Variants in ZHX3 observed in about 807,000 individuals in gnomAD.
ZHX3 encodes the protein zinc fingers and homeoboxes protein 3.
Under a neutral mutation model 64.5 loss-of-function variants are expected in ZHX3, and 20 were observed. The ratio of observed to expected loss-of-function variants is 0.31; its 90% CI spans 0.22 to 0.45. The LOEUF is 0.45. Ranked by LOEUF, ZHX3 falls within the 20% of genes least tolerant of loss-of-function variation. The probability of loss-of-function intolerance (pLI) is 1.00; values close to 1 mark genes in which losing one functional copy is unlikely to be tolerated. For synonymous variants in ZHX3, 423 were observed against 461.6 expected (o/e 0.92, Z 1.07); for missense variants, 1,041 against 1,195.8 (o/e 0.87, Z 1.91).
intron 1 of ZHX3, among the ~76,000 whole-genome samples, chr20:41,304,986 C>T (rs184029039): frequency 6.6e-6 from 1 of 152,332 alleles, no homozygotes; most frequent in East Asian, 1.9e-4. Context: ...GCCAGAATTA[C>T]CGCATCACTA....
At chr20:41,276,020 T>C (rs1219689648) in intron 1 of ZHX3, among the ~76,000 whole-genome samples, 1 of 152,188 alleles carries the variant, frequency 6.6e-6, no homozygotes, top group Non-Finnish European at 1.5e-5. Context: ...CTTTGGTTGG[T>C]GGTGGCATAG....
chr20:41,183,084 C>T lies in ZHX3; in HGVS notation c.*2107G>A, dbSNP rs1355108096. On this transcript the variant is annotated 3_prime_UTR_variant, in exon 4 of 4. Coordinates refer to ENST00000683867, the MANE Select transcript of ZHX3 (RefSeq NM_001384317.1). This position sits in a 1 kb window ranked among gnomAD's most constrained non-coding sequence, Gnocchi z 5.3. ...ACTGGTGTCCCTCCAACACAGGCTA[C>T]TCCCCCAACACCCATGTGCCACCAA... 1 of 152,228 alleles carries T rather than the reference C, an allele frequency of 6.6e-6. No homozygotes were observed. Among genetic ancestry groups the T allele is most frequent in the East Asian group, 1.9e-4 (1 of 5,204 alleles). 9.4% of individuals were successfully genotyped at this position (152,228 alleles called of 1,614,324 possible).
rs76849872 is a variant in ZHX3, at chr20:41,244,559, C to T, written c.-151+24431G>A. 2.2e-3 allele frequency among the ~76,000 whole-genome samples: 338 copies of T among 152,228 alleles called. 1 individual carries two copies. Among genetic ancestry groups the T allele is most frequent in the African/African-American group, 7.7e-3 (320 of 41,530 alleles). On this transcript the variant is annotated intron_variant, in intron 2 of 3. Transcript: ENST00000683867. ...AGACAAATGGAGGCAAATAAGATCC[C>T]ATGATGAGGGCCCTTTGATGAATGT...
At chr20:41,316,700 C>T (rs546656376) in intron 1 of ZHX3, among the ~76,000 whole-genome samples, 1 of 152,338 alleles carries the variant, frequency 6.6e-6, no homozygotes, top group African/African-American at 2.4e-5. Context: ...CCAGGGCAAT[C>T]ACTGCTCAGA....
intron 1 of ZHX3, among the ~76,000 whole-genome samples, chr20:41,280,888 T>G (rs193070100): frequency 6.6e-6 from 1 of 152,192 alleles, no homozygotes; most frequent in East Asian, 1.9e-4. Context: ...AACCCTTTTT[T>G]TTTTTAAAGG....
intron 3 of ZHX3, among the ~76,000 whole-genome samples, chr20:41,194,015 T>C (rs2146160346): frequency 6.6e-6 from 1 of 152,298 alleles, no homozygotes; most frequent in South Asian, 2.1e-4. Flanking sequence ...TTTCTACATA[T>C]ATGATCATGT....
At chr20:41,249,128 G>C (rs182996770) in intron 2 of ZHX3, among the ~76,000 whole-genome samples, 1 of 152,156 alleles carries the variant, frequency 6.6e-6, no homozygotes, top group Admixed American at 6.5e-5. Context: ...GAAGAACTGA[G>C]ATGACCTCAA....
intron 2 of ZHX3, among the ~76,000 whole-genome samples, chr20:41,209,544 A>C (rs374828104): frequency 6.6e-6 from 1 of 152,218 alleles, no homozygotes; most frequent in East Asian, 1.9e-4. Context: ...AATACCACAC[A>C]TCTACAACCA....
At chr20:41,265,578 G>A (rs1000599761) in intron 2 of ZHX3, among the ~76,000 whole-genome samples, 2 of 152,218 alleles carry the variant, frequency 1.3e-5, no homozygotes, top group Non-Finnish European at 1.5e-5. Context: ...TCAAGCTTGA[G>A]TGCACATGAA....
At chr20:41,260,249 T>C (rs1162292607) in intron 2 of ZHX3, among the ~76,000 whole-genome samples, 2 of 151,326 alleles carry the variant, frequency 1.3e-5, no homozygotes, top group Non-Finnish European at 2.9e-5. Context: ...TTCTGGCCAA[T>C]GCAGCAAGAC....
At chr20:41,280,535 T>G (rs2043624841) in intron 1 of ZHX3, among the ~76,000 whole-genome samples, 1 of 152,142 alleles carries the variant, frequency 6.6e-6, no homozygotes, top group Non-Finnish European at 1.5e-5. Context: ...ACTAAAAAGT[T>G]ATTAGTGGGG....
chr20:41,249,799 AG>A (rs1256204339), intron 2 of ZHX3, among the ~76,000 whole-genome samples: 1 of 152,234 alleles, frequency 6.6e-6, no homozygotes, highest in Non-Finnish European at 1.5e-5. Context: ...CCAAAGGAGA[AG>A]TCTGAAAGAA....
In ZHX3 at chr20:41,204,426, A is replaced by G; in HGVS notation, c.491T>C (p.Leu164Pro). Residue 164 changes from leucine to proline, a missense_variant, in exon 3 of 4, where the codon CTA becomes CCA. Physicochemically the swap from Leu to Pro is moderately conservative, Grantham distance 98. This residue lies in a region of ZHX3 where 358 missense variants were observed against 369.1 expected (regional missense o/e 0.97). Transcript: ENST00000683867. The surrounding 1 kb of genome is among the most constrained non-coding windows in gnomAD (Gnocchi z 6.6). ...CCCTTCAGCACTGGGCTCACCCGCTAGGTCAGGAGTGCTGGTGCTCTCAGG... is the reference window on the plus strand; with the variant it reads ...CCCTTCAGCACTGGGCTCACCCGCTGGGTCAGGAGTGCTGGTGCTCTCAGG... ...SIPESTSTPD[L>P]AGEPSAEGAD... is the part of the protein sequence containing the mutation. 6.2e-7 allele frequency: 1 copy of G among 1,614,142 alleles called. No homozygotes were observed. Among genetic ancestry groups the G allele is most frequent in the Non-Finnish European group, 8.5e-7 (1 of 1,180,020 alleles).
In ZHX3 at chr20:41,193,695, G is replaced by T. The variant is rs192751890; in HGVS notation, c.2860+8362C>A. On this transcript the variant is annotated intron_variant, in intron 3 of 3. Transcript: ENST00000683867. ...GTGTGTGGATTCAAGTTTTTTTTTT[G>T]TTGTTGTTGTTGTTTTTGTTTTTTT... is the stretch of plus-strand genomic sequence containing the variant. 4.9e-3 allele frequency among the ~76,000 whole-genome samples: 698 copies of T among 141,964 alleles called. 6 individuals are homozygous for T. The highest frequency in any genetic ancestry group is 0.016 in the African/African-American group (588 of 36,908). 93.1% of individuals were successfully genotyped at this position (141,964 alleles called of 152,430 possible).
chr20:41,301,748 G>A (rs1430031022), intron 1 of ZHX3, among the ~76,000 whole-genome samples: 1 of 152,072 alleles, frequency 6.6e-6, no homozygotes, highest in African/African-American at 2.4e-5. Context: ...GGCAAAGGGT[G>A]AGTTACCTAT....
At chr20:41,209,888 C>A (rs185613228) in intron 2 of ZHX3, among the ~76,000 whole-genome samples, 2 of 152,078 alleles carry the variant, frequency 1.3e-5, no homozygotes, top group African/African-American at 4.8e-5. Context: ...CGAAAGAAAC[C>A]ACCATCAGAG....
chr20:41,267,424 C>A (rs145540536), intron 2 of ZHX3: 2 of 152,238 alleles, frequency 1.3e-5, no homozygotes, highest in South Asian at 4.1e-4. Context: ...ATCCTCCTAA[C>A]GTAAGCATTC....
At chr20:41,244,776 T>C (rs946790196) in intron 2 of ZHX3, among the ~76,000 whole-genome samples, 4 of 152,134 alleles carry the variant, frequency 2.6e-5, no homozygotes, top group Non-Finnish European at 4.4e-5. Context: ...TTTGGGAGGA[T>C]TGGAGAGGAA....
intron 1 of ZHX3, among the ~76,000 whole-genome samples, chr20:41,291,582 A>G (rs1448620747): frequency 8.7e-6 from 1 of 115,114 alleles, no homozygotes; most frequent in Non-Finnish European, 1.6e-5. Context: ...GGACAAGAAT[A>G]TATATATACT....
Sources: gnomAD v4.1 joint callset for allele counts (sites outside exome capture counted in the v4.1 genomes callset) on GRCh38, gnomAD v4.1.1 for gene constraint, gnomAD v4.1.1 regional missense constraint, Gnocchi (gnomAD v3.1) non-coding constraint, MANE v1.5 for transcripts, NCBI Gene and HGNC (gene_info 2026-07-23, HGNC 2026-07-21) for gene names.